CDKL5: variants seen among roughly 807,000 people sequenced by gnomAD.
CDKL5 encodes the protein cyclin-dependent kinase-like 5.
CDKL5 carries 8 observed loss-of-function variants against 61.7 expected under a neutral mutation model. The observed-to-expected ratio is 0.13, with a 90% CI of 0.08 to 0.23. CDKL5 has a LOEUF of 0.23. Ranked by LOEUF, CDKL5 falls within the 10% of genes least tolerant of loss-of-function variation. CDKL5 has a pLI of 1.00. For missense variants in CDKL5, 440 were observed against 734.5 expected (o/e 0.60, Z 4.63); for synonymous variants, 275 against 272.3 (o/e 1.01, Z -0.10).
intron 17 of CDKL5, among the ~76,000 whole-genome samples, chrX:18,627,885 A>G (rs1052397330): frequency 5.4e-5 from 6 of 110,701 alleles, no homozygotes; most frequent in African/African-American, 3.3e-5. Context: ...GAAAAGGGCT[A>G]TACGACTTGT....
intron 1 of CDKL5, among the ~76,000 whole-genome samples, chrX:18,483,187 T>C (rs964063557): frequency 8.9e-6 from 1 of 111,767 alleles, no homozygotes; most frequent in Non-Finnish European, 1.9e-5. Context: ...GTGGCTTCTA[T>C]GCATCAGAGG....
At chrX:18,463,746 C>T (rs1448607609) in intron 1 of CDKL5, among the ~76,000 whole-genome samples, 2 of 111,812 alleles carry the variant, frequency 1.8e-5, no homozygotes, top group African/African-American at 3.2e-5. Context: ...AGAACTGCAA[C>T]TAAGAAGAAA....
chrX:18,587,379 A>C (rs1925674530), intron 8 of CDKL5, among the ~76,000 whole-genome samples: 1 of 111,787 alleles, frequency 8.9e-6, no homozygotes, highest in South Asian at 3.7e-4. Flanking sequence ...CTCTATATAC[A>C]TAGGTTACAT....
At chrX:18,571,881 G>A (rs1925145089) in intron 4 of CDKL5, among the ~76,000 whole-genome samples, 1 of 111,631 alleles carries the variant, frequency 9.0e-6, no homozygotes, top group Admixed American at 9.5e-5. Flanking sequence ...CTGGCATAAA[G>A]TAGAAAAGCC....
intron 1 of CDKL5, among the ~76,000 whole-genome samples, chrX:18,457,718 C>T (rs1436409874): frequency 2.8e-5 from 3 of 105,937 alleles, no homozygotes; most frequent in Non-Finnish European, 5.8e-5. Context: ...TGGGTTCAAG[C>T]AATTCTCCTG....
chrX:18,599,552 C>G (rs1447149137), intron 11 of CDKL5, among the ~76,000 whole-genome samples: 2 of 111,932 alleles, frequency 1.8e-5, no homozygotes, highest in African/African-American at 3.3e-5. Flanking sequence ...CTCCCAGGCT[C>G]AAGCCTCCCT....
In CDKL5 at chrX:18,506,252, A is replaced by G. The variant is rs1419633817; in HGVS notation, c.-162-683A>G. ...CTTCTCCTGCCCCACCCTTGGAATC[A>G]GCCATTTCTTCAAGGAACCCTAGTT... is the stretch of plus-strand genomic sequence containing the variant. On this transcript the variant is annotated intron_variant, in intron 1 of 17. Coordinates refer to ENST00000623535, the MANE Select transcript of CDKL5 (RefSeq NM_001323289.2). Among the ~76,000 whole-genome samples, 9 of 111,727 alleles carry G rather than the reference A, an allele frequency of 8.1e-5. No homozygotes were observed. The Admixed American group carries it at 8.6e-4, about 11-fold the overall frequency.
At chrX:18,503,788 C>T (rs2147089454) in intron 1 of CDKL5, among the ~76,000 whole-genome samples, 1 of 112,310 alleles carries the variant, frequency 8.9e-6, no homozygotes, top group Non-Finnish European at 1.9e-5. Context: ...GTTGCCCAGG[C>T]TGGAGTGCAG....
chrX:18,592,336 CA>C (rs1295811950), intron 9 of CDKL5, among the ~76,000 whole-genome samples: 2 of 112,439 alleles, frequency 1.8e-5, no homozygotes, highest in Non-Finnish European at 3.8e-5. Flanking sequence ...ATGAGAGTGT[CA>C]AATATTCTGG....
chrX:18,623,647 A>G (rs1358904709), intron 16 of CDKL5, among the ~76,000 whole-genome samples: 1 of 111,038 alleles, frequency 9.0e-6, no homozygotes, highest in Non-Finnish European at 1.9e-5. Flanking sequence ...AGAGGTATTG[A>G]TCATGATCTC....
intron 9 of CDKL5, 81 bp from the exon 10 acceptor site, chrX:18,595,267 T>C: frequency 1.6e-6 from 1 of 642,119 alleles, no homozygotes; most frequent in East Asian, 3.2e-5. Context: ...GCTTATCTGC[T>C]CCCTTCTGCA....
At chrX:18,463,911 T>C (rs371279579) in intron 1 of CDKL5, among the ~76,000 whole-genome samples, 5 of 111,924 alleles carry the variant, frequency 4.5e-5, no homozygotes, top group African/African-American at 1.6e-4. Flanking sequence ...TCCTAGTGAA[T>C]TTTATGAGCC....
chrX:18,648,073 A>G (rs900567904), intron 20 of CDKL5, among the ~76,000 whole-genome samples: 6 of 110,844 alleles, frequency 5.4e-5, no homozygotes, highest in African/African-American at 2.0e-4. Flanking sequence ...ACGGTGACTC[A>G]TGCCTGTAAT....
chrX:18,653,557 T>C, exon 22 of CDKL5: 1 of 1,209,210 alleles, frequency 8.3e-7, no homozygotes, highest in Non-Finnish European at 1.1e-6. Flanking sequence ...TCTGCAAGCC[T>C]GCGGCTGGTC....
chrX:18,550,956 A>G (rs959569879), intron 3 of CDKL5, among the ~76,000 whole-genome samples: 2 of 111,864 alleles, frequency 1.8e-5, no homozygotes, highest in Admixed American at 1.9e-4. Context: ...ATCTACATAT[A>G]ATGTTTGAAG....
At chrX:18,471,833 G>A (rs190712839) in intron 1 of CDKL5, among the ~76,000 whole-genome samples, 174 of 111,499 alleles carry the variant, frequency 1.6e-3, no homozygotes, top group Non-Finnish European at 2.9e-3. Context: ...AGCTCTTCCC[G>A]GGTTGAAGCA....
chrX:18,470,833 G>A (rs984625033), intron 1 of CDKL5, among the ~76,000 whole-genome samples: 19 of 112,037 alleles, frequency 1.7e-4, no homozygotes, highest in Admixed American at 2.9e-4. Flanking sequence ...TGTTTCCTCC[G>A]TGTAGCTGCT....
intron 3 of CDKL5, among the ~76,000 whole-genome samples, chrX:18,511,739 A>G (rs773061912): frequency 1.8e-5 from 2 of 112,251 alleles, no homozygotes; most frequent in South Asian, 7.3e-4. Flanking sequence ...GCATGACTGT[A>G]TAAGTGAAAA....
At chrX:18,534,790 A>G (rs1347016633) in intron 3 of CDKL5, among the ~76,000 whole-genome samples, 1 of 112,086 alleles carries the variant, frequency 8.9e-6, no homozygotes. Context: ...CCATCTATGT[A>G]ACTTGCCCTA....
Sources: gnomAD v4.1 joint callset for allele counts (sites outside exome capture counted in the v4.1 genomes callset) on GRCh38, gnomAD v4.1.1 for gene constraint, MANE v1.5 for transcripts, NCBI Gene and HGNC (gene_info 2026-07-23, HGNC 2026-07-21) for gene names.